Variants in PIK3CD observed in about 807,000 individuals in gnomAD.
The protein encoded by PIK3CD is phosphatidylinositol-4,5-bisphosphate 3-kinase catalytic subunit delta.
Under a neutral mutation model 122.9 loss-of-function variants are expected in PIK3CD, and 20 were observed. The ratio of observed to expected loss-of-function variants is 0.16; its 90% confidence interval spans 0.11 to 0.24. The LOEUF (loss-of-function observed/expected upper bound fraction) is 0.24, where lower values mean the gene tolerates loss of function less well. Ranked by LOEUF, PIK3CD falls within the 10% of genes least tolerant of loss-of-function variation. PIK3CD has a pLI of 1.00. For synonymous variants in PIK3CD, 596 were observed against 593.4 expected (o/e 1.00, Z -0.06); for missense variants, 787 against 1,406.3 (o/e 0.56, Z 7.04).
Position 9,723,455 on chromosome 1 carries a change from GTC to G in PIK3CD, c.2594+169_2594+170del, listed in dbSNP as rs1649008411. Among the ~76,000 whole-genome samples, 1 of 152,200 alleles carries G rather than the reference GTC, an allele frequency of 6.6e-6. No individual in the cohort carries two copies. Among genetic ancestry groups the G allele is most frequent in the Non-Finnish European group, 1.5e-5 (1 of 68,038 alleles). On this transcript the variant is annotated intron_variant, in intron 20 of 23. Transcript: ENST00000377346. This position sits in a 1 kb window ranked among gnomAD's most constrained non-coding sequence, Gnocchi z 4.9. Reference sequence around the variant, plus strand: ...CTGTGTCTGGGTTGGGGTGAGGTAGGTCTCTCTTCCCCAAGTATCAGTGTCTC... The same window carrying G: ...CTGTGTCTGGGTTGGGGTGAGGTAGGTCTCTTCCCCAAGTATCAGTGTCTC...
intron 2 of PIK3CD, among the ~76,000 whole-genome samples, chr1:9,708,763 C>T (rs1646940308): frequency 6.6e-6 from 1 of 151,840 alleles, no homozygotes; most frequent in Non-Finnish European, 1.5e-5. Flanking sequence ...GCAGGAGAAT[C>T]GCTTGAGCCC....
At chr1:9,682,364 G>C (rs1645788327) in intron 1 of PIK3CD, among the ~76,000 whole-genome samples, 1 of 151,090 alleles carries the variant, frequency 6.6e-6, no homozygotes, top group Non-Finnish European at 1.5e-5. Flanking sequence ...TCAGCCTCCT[G>C]AGTAGCTGGG....
intron 1 of PIK3CD, among the ~76,000 whole-genome samples, chr1:9,681,334 C>T (rs1318282731): frequency 6.6e-6 from 1 of 151,754 alleles, no homozygotes; most frequent in East Asian, 1.9e-4. Context: ...AGCTCCTGGG[C>T]TCAAGCAACC....
Position 9,727,807 on chromosome 1 carries a change from T to TA in PIK3CD, c.*761_*762insA. ...GAATACTCTGCCATTATCTCAAAAA[T>TA]CTTTTTTTTTTTTTTGAGATGGGGT... On this transcript the variant is annotated 3_prime_UTR_variant, in exon 24 of 24. Transcript: ENST00000377346. The TA allele has an allele frequency of 5.4e-6, 1 of 183,988 alleles. No individual in the cohort carries two copies. The allele number at this position is 183,988 out of a possible 1,614,324, so 11.4% of individuals were successfully genotyped here.
chr1:9,720,322 G>T lies in PIK3CD; in HGVS notation c.1470+80G>T, dbSNP rs112227623. 2.2e-5 allele frequency: 33 copies of T among 1,518,242 alleles called. 1 individual carries two copies. The South Asian group carries it at 3.7e-4, about 17-fold the overall frequency. 94.0% of individuals were successfully genotyped at this position (1,518,242 alleles called of 1,614,324 possible). A position where few individuals can be genotyped will look rare whatever the true frequency, so the allele number is the denominator to read the frequency against. On this transcript the variant is annotated intron_variant, in intron 11 of 23. Transcript: ENST00000377346. This position sits in a 1 kb window ranked among gnomAD's most constrained non-coding sequence, Gnocchi z 9.0. ...CCCTGCTCCTGGAGCTCTTCAGAGG[G>T]TGCTCCCTGGCCACGTCGGGGCTGG...
At chr1:9,642,989 G>A in the PIK3CD span, among the ~76,000 whole-genome samples, 2 of 151,982 alleles carry the variant, frequency 1.3e-5, no homozygotes, top group African/African-American at 4.8e-5. Flanking sequence ...TTGGGAGGCT[G>A]TGATGGGAGG....
chr1:9,630,626 G>A, the PIK3CD span, among the ~76,000 whole-genome samples: 3 of 152,234 alleles, frequency 2.0e-5, no homozygotes, highest in African/African-American at 7.2e-5. Flanking sequence ...GTATGATGAA[G>A]GGCCCCTTCG....
In PIK3CD at chr1:9,724,398, T is replaced by C. The variant is rs1247338358; in HGVS notation, c.2841T>C (p.Thr947=). The change falls in exon 22 of 24, where the codon ACT becomes ACC. Residue 947 remains threonine, a synonymous_variant. Coordinates refer to ENST00000377346, the MANE Select transcript of PIK3CD (RefSeq NM_005026.5). This position sits in a 1 kb window ranked among gnomAD's most constrained non-coding sequence, Gnocchi z 7.3. The part of the protein sequence containing the change: ...DFVHVIQQGK[T]NNSEKFERFR... ...TCCATGTGATTCAGCAGGGGAAGAC[T>C]AATAATAGTGAGAAATTTGAACGGT... is the stretch of plus-strand genomic sequence containing the variant. The C allele has an allele frequency of 1.9e-6, 3 of 1,614,068 alleles. No homozygotes were observed. In the Admixed American group the frequency reaches 5.0e-5, roughly 27 times the overall value.
chr1:9,653,767 C>T (rs1287046561), intron 1 of PIK3CD: 2 of 1,353,460 alleles, frequency 1.5e-6, no homozygotes, highest in South Asian at 2.3e-5. Flanking sequence ...ATTTCCATGG[C>T]CTGCTGGAGT....
chr1:9,652,059 G>A lies in PIK3CD; in HGVS notation c.-138+257G>A, dbSNP rs1354887513. ...GGGCCGTCCCCCGTGGGCCCGCCGA[G>A]AGGGGCGTGCGCAGCTCCCCGGCGC... On this transcript the variant is annotated intron_variant, in intron 1 of 23. Transcript: ENST00000377346. The surrounding 1 kb of genome is among the most constrained non-coding windows in gnomAD (Gnocchi z 6.2). Among the ~76,000 whole-genome samples, 1 of 151,902 alleles carries A rather than the reference G, an allele frequency of 6.6e-6. No individual in the cohort carries two copies. Among genetic ancestry groups the A allele is most frequent in the African/African-American group, 2.4e-5 (1 of 41,402 alleles).
intron 2 of PIK3CD, among the ~76,000 whole-genome samples, chr1:9,698,118 A>G (rs1451679348): frequency 6.6e-6 from 1 of 152,176 alleles, no homozygotes; most frequent in Non-Finnish European, 1.5e-5. Context: ...TATGACATCC[A>G]TATTCATTCA....
At chr1:9,670,937 TG>T (rs1418582740) in intron 1 of PIK3CD, among the ~76,000 whole-genome samples, 1 of 152,032 alleles carries the variant, frequency 6.6e-6, no homozygotes, top group Non-Finnish European at 1.5e-5. Flanking sequence ...TTTGTATTTT[TG>T]GTAGAGATGG....
chr1:9,710,536 C>T lies in PIK3CD; in HGVS notation c.81C>T (p.Pro27=). Residue 27 remains proline (P), a synonymous_variant, in exon 3 of 24, where the codon CCC becomes CCT. Coordinates refer to ENST00000377346, the MANE Select transcript of PIK3CD (RefSeq NM_005026.5). The surrounding 1 kb of genome is among the most constrained non-coding windows in gnomAD (Gnocchi z 4.7). ...NQSVVVDFLL[P]TGVYLNFPVS... is the part of the protein sequence containing the mutation. ...GCGTTGTGGTTGACTTCCTGCTGCC[C>T]ACAGGGGTCTACCTGAACTTCCCTG... is the stretch of plus-strand genomic sequence containing the variant. 6.2e-7 allele frequency: 1 copy of T among 1,614,068 alleles called. No individual in the cohort carries two copies. The highest frequency in any genetic ancestry group is 1.1e-5 in the South Asian group (1 of 91,086).
chr1:9,720,048 G>T lies in PIK3CD; in HGVS notation c.1339+31G>T. 6.2e-7 allele frequency: 1 copy of T among 1,613,438 alleles called. No homozygotes were observed. Among genetic ancestry groups the T allele is most frequent in the Non-Finnish European group, 8.5e-7 (1 of 1,179,968 alleles). On this transcript the variant is annotated intron_variant, in intron 10 of 23. Coordinates refer to ENST00000377346, the MANE Select transcript of PIK3CD (RefSeq NM_005026.5). The surrounding 1 kb of genome is among the most constrained non-coding windows in gnomAD (Gnocchi z 9.0). ...CCCAGGCCCAGGAGGGAGAGGCGTTGGGAGTGTGAGGGTCCCAGAGATGCT... is the reference window on the plus strand; with the variant it reads ...CCCAGGCCCAGGAGGGAGAGGCGTTTGGAGTGTGAGGGTCCCAGAGATGCT...
chr1:9,629,569 G>T, the PIK3CD span, among the ~76,000 whole-genome samples: 6 of 151,580 alleles, frequency 4.0e-5, no homozygotes, highest in Admixed American at 4.0e-4. Flanking sequence ...CGTGGGAAAG[G>T]CTGTGTGACC....
At chr1:9,711,942 G>A (rs1298208330) in intron 3 of PIK3CD, among the ~76,000 whole-genome samples, 1 of 151,464 alleles carries the variant, frequency 6.6e-6, no homozygotes, top group Non-Finnish European at 1.5e-5. Flanking sequence ...TGTCGCCCAG[G>A]CTGGAGTGCA....
intron 1 of PIK3CD, among the ~76,000 whole-genome samples, chr1:9,683,808 A>G (rs2100297983): frequency 6.6e-6 from 1 of 152,264 alleles, no homozygotes; most frequent in East Asian, 1.9e-4. Flanking sequence ...ATCTGGAGTC[A>G]GCTGGGAAGA....
Position 9,718,043 on chromosome 1 carries a change from G to A in PIK3CD, c.1020+417G>A, listed in dbSNP as rs913874764. 10 of 477,774 alleles carry A rather than the reference G, an allele frequency of 2.1e-5. No homozygotes were observed. The highest frequency in any genetic ancestry group is 3.7e-5 in the Non-Finnish European group (9 of 241,930). The allele number at this position is 477,774 out of a possible 1,614,324, so 29.6% of individuals were successfully genotyped here. ...AGGGCTGCACCTGCCTCAACCTCTA[G>A]GGGCTGAGCCCACCTCCCTGTTGTC... On this transcript the variant is annotated intron_variant, in intron 8 of 23. Coordinates refer to ENST00000377346, the MANE Select transcript of PIK3CD (RefSeq NM_005026.5). This position sits in a 1 kb window ranked among gnomAD's most constrained non-coding sequence, Gnocchi z 7.2.
chr1:9,703,475 C>T (rs1201962998), intron 2 of PIK3CD, among the ~76,000 whole-genome samples: 3 of 152,194 alleles, frequency 2.0e-5, no homozygotes, highest in African/African-American at 7.2e-5. Context: ...CGTAAAGTTA[C>T]TAGCACCCAG....
Sources: gnomAD v4.1 joint callset for allele counts (sites outside exome capture counted in the v4.1 genomes callset) on GRCh38, gnomAD v4.1.1 for gene constraint, Gnocchi (gnomAD v3.1) non-coding constraint, MANE v1.5 for transcripts, NCBI Gene and HGNC (gene_info 2026-07-23, HGNC 2026-07-21) for gene names.